The following SCOC variants were observed in gnomAD, a reference collection of about 807,000 sequenced individuals.
The protein encoded by SCOC is short coiled coil protein.
A neutral mutation model predicts 9.9 loss-of-function variants in SCOC; 7 were observed. That is an observed-to-expected ratio of 0.71 (90% CI 0.40 to 1.33). The LOEUF is 1.33. SCOC is among the 40% of genes most tolerant of loss of function. The pLI, the probability that SCOC is intolerant of heterozygous loss-of-function variation, is 0.01. For missense variants in SCOC, 66 were observed against 89.7 expected (o/e 0.74, Z 1.07); for synonymous variants, 19 against 28.2 (o/e 0.67, Z 1.03).
At chr4:140,373,357 A>G, upstream of SCOC, 1 of 1,436,766 alleles carries the variant, frequency 7.0e-7, no homozygotes, top group Non-Finnish European at 9.1e-7. Flanking sequence ...TTCCTGATAG[A>G]CCTGATGAGC....
At position 140,379,122 on chromosome 4, in the gene SCOC, C is replaced by A; in HGVS notation, c.-49C>A. 1.3e-6 allele frequency: 2 copies of A among 1,583,540 alleles called. No homozygotes were observed. Among genetic ancestry groups the A allele is most frequent in the South Asian group, 1.1e-5 (1 of 90,462 alleles). Reference sequence around the variant, plus strand: ...ATTTCTGAATTTTTCTTATTGTAGACCATTCCTCAAGAATTTTGTATCCAA... The same window carrying A: ...ATTTCTGAATTTTTCTTATTGTAGAACATTCCTCAAGAATTTTGTATCCAA... On this transcript the variant is annotated splice_region_variant and 5_prime_UTR_variant, in exon 2 of 4. Coordinates refer to ENST00000608372, the MANE Select transcript of SCOC (RefSeq NM_001153484.2).
intron 2 of SCOC, among the ~76,000 whole-genome samples, chr4:140,349,655 C>G (rs191366706): frequency 6.6e-6 from 1 of 152,274 alleles, no homozygotes; most frequent in African/African-American, 2.4e-5. Flanking sequence ...ATCCATATGT[C>G]ATTCCTTCTT....
chr4:140,376,011 A>G (rs1262256622), intron 1 of SCOC, among the ~76,000 whole-genome samples: 1 of 152,212 alleles, frequency 6.6e-6, no homozygotes, highest in African/African-American at 2.4e-5. Flanking sequence ...AGGAGTTGAA[A>G]GTGAACTCTT....
At chr4:140,359,944 A>C (rs1460116961) in intron 2 of SCOC, among the ~76,000 whole-genome samples, 1 of 152,210 alleles carries the variant, frequency 6.6e-6, no homozygotes, top group East Asian at 1.9e-4. Flanking sequence ...ACTACCAGGC[A>C]GGCAGTGTGC....
chr4:140,298,843 C>A (rs912687741), intron 1 of SCOC, among the ~76,000 whole-genome samples: 1 of 152,108 alleles, frequency 6.6e-6, no homozygotes, highest in Non-Finnish European at 1.5e-5. Flanking sequence ...TGAGACAGGG[C>A]TTTACTCTGT....
chr4:140,304,708 A>T (rs1578790898), intron 1 of SCOC, among the ~76,000 whole-genome samples: 1 of 152,296 alleles, frequency 6.6e-6, no homozygotes. Context: ...TAGAGCAGGA[A>T]GGCTGGTCTT....
chr4:140,308,279 G>A (rs1434807423), intron 1 of SCOC, among the ~76,000 whole-genome samples: 3 of 152,220 alleles, frequency 2.0e-5, no homozygotes, highest in Admixed American at 6.5e-5. Context: ...CCAAGTCAGC[G>A]TTTGCCTTTC....
At chr4:140,305,108 C>T (rs1043032577) in intron 1 of SCOC, among the ~76,000 whole-genome samples, 1 of 152,178 alleles carries the variant, frequency 6.6e-6, no homozygotes, top group African/African-American at 2.4e-5. Context: ...AAAACAACCG[C>T]ATTGCAGATA....
At chr4:140,329,659 CA>C (rs1426264618) in intron 1 of SCOC, among the ~76,000 whole-genome samples, 1 of 151,954 alleles carries the variant, frequency 6.6e-6, no homozygotes, top group African/African-American at 2.4e-5. Flanking sequence ...AGACTATTCT[CA>C]AAAGAAGATA....
chr4:140,363,097 T>C (rs7692935), intron 2 of SCOC, among the ~76,000 whole-genome samples: 145,787 of 152,316 alleles, frequency 0.96, 69,829 homozygotes, highest in East Asian at 1. Context: ...TCTCCTATAT[T>C]ATAACCCGCT....
At chr4:140,263,513 G>A (rs939843884) in intron 1 of SCOC, among the ~76,000 whole-genome samples, 3 of 152,200 alleles carry the variant, frequency 2.0e-5, no homozygotes, top group African/African-American at 4.8e-5. Context: ...GGTGAAGCAG[G>A]CCTTTGTTTG....
rs150838042 is a variant in SCOC at position 140,350,518 on chromosome 4, A to C, written c.70+6810A>C. Among the ~76,000 whole-genome samples the C allele has an allele frequency of 4.3e-4, 66 of 152,214 alleles. 1 individual carries two copies. In the East Asian group the frequency reaches 0.012, roughly 28 times the overall value. On this transcript the variant is annotated intron_variant, in intron 2 of 4. Coordinates refer to the SCOC transcript ENST00000338517. ...TTCTTTTCTATTGTCTCTTCTTTCT[A>C]TCCACACTTCTGGGTAAGTTTAGTT...
chr4:140,330,723 T>G (rs767958102), intron 1 of SCOC, among the ~76,000 whole-genome samples: 2 of 152,250 alleles, frequency 1.3e-5, no homozygotes, highest in African/African-American at 2.4e-5. Context: ...CAAATGACTT[T>G]GAAAGTTTTA....
chr4:140,339,852 G>A (rs1242612073), upstream of SCOC, among the ~76,000 whole-genome samples: 1 of 152,166 alleles, frequency 6.6e-6, no homozygotes, highest in African/African-American at 2.4e-5. Context: ...CACTGTTGGT[G>A]GGACTGCAAA....
intron 1 of SCOC, among the ~76,000 whole-genome samples, chr4:140,296,477 T>A (rs1731639890): frequency 6.6e-6 from 1 of 152,204 alleles, no homozygotes; most frequent in Admixed American, 6.5e-5. Flanking sequence ...CCAGATTTAA[T>A]GAATGGCCAC....
intron 2 of SCOC, among the ~76,000 whole-genome samples, chr4:140,352,618 A>G (rs1231773925): frequency 6.6e-6 from 1 of 152,242 alleles, no homozygotes; most frequent in East Asian, 1.9e-4. Flanking sequence ...TAAATGATCT[A>G]GCATAAAGCA....
At chr4:140,262,555 T>C (rs770082792) in intron 1 of SCOC, among the ~76,000 whole-genome samples, 1 of 152,172 alleles carries the variant, frequency 6.6e-6, no homozygotes, top group Non-Finnish European at 1.5e-5. Context: ...CTATAGAGTG[T>C]TGGGCTCAAT....
At chr4:140,263,891 T>C in intron 1 of SCOC, among the ~76,000 whole-genome samples, 1 of 152,202 alleles carries the variant, frequency 6.6e-6, no homozygotes, top group East Asian at 1.9e-4. Flanking sequence ...AATAGAGTCT[T>C]CTGGGATTGT....
intron 1 of SCOC, chr4:140,291,279 C>CT (rs1304427425): frequency 2.9e-5 from 11 of 373,124 alleles, no homozygotes; most frequent in Admixed American, 1.2e-4. Context: ...GCTATGCTTC[C>CT]TTTTTTTGTG....
Sources: gnomAD v4.1 joint callset for allele counts (sites outside exome capture counted in the v4.1 genomes callset) on GRCh38, gnomAD v4.1.1 for gene constraint, MANE v1.5 for transcripts, NCBI Gene and HGNC (gene_info 2026-07-23, HGNC 2026-07-21) for gene names.